The following ATP8B2 variants were observed in gnomAD, a reference collection of about 807,000 sequenced individuals.
The protein encoded by ATP8B2 is ATPase phospholipid transporting 8B2, also known as phospholipid-transporting ATPase ID.
A neutral mutation model predicts 133.4 loss-of-function variants in ATP8B2; 70 were observed. The observed-to-expected ratio is 0.52, with a 90% CI of 0.43 to 0.64. The LOEUF is 0.64. Ranked by LOEUF, ATP8B2 falls within the 30% of genes least tolerant of loss-of-function variation. The pLI is 0.00. For missense variants in ATP8B2, 1,101 were observed against 1,535.7 expected, an observed-to-expected ratio of 0.72 and a Z score of 4.73; for synonymous variants, 517 against 589.5, an observed-to-expected ratio of 0.88 and a Z score of 1.78.
intron 2 of ATP8B2, among the ~76,000 whole-genome samples, chr1:154,329,502 G>A (rs1000561408): frequency 6.6e-6 from 1 of 152,126 alleles, no homozygotes; most frequent in African/African-American, 2.4e-5. Context: ...GAGACGGGCT[G>A]GGGAATCTAT....
chr1:154,348,500 T>C lies in ATP8B2; in HGVS notation c.3256T>C (p.Phe1086Leu), dbSNP rs1686670746. 1.2e-6 allele frequency: 2 copies of C among 1,613,976 alleles called. No homozygotes were observed. Among genetic ancestry groups the C allele is most frequent in the Admixed American group, 1.7e-5 (1 of 60,004 alleles). The change falls in exon 27 of 28, where the codon TTC (phenylalanine) becomes CTC (leucine). Residue 1086 changes from phenylalanine to leucine, a missense_variant. Physicochemically the swap from Phe to Leu is conservative, Grantham distance 22. Transcript: ENST00000368489. The stretch of plus-strand genomic sequence containing the variant: ...CATCATGCCCGTGGTTGCCTTCCGA[T>C]TCCTCAGGCTCAACCTGAAGCCGGA... ...VCIMPVVAFRFLRLNLKPDLS... is the reference protein window; with the variant it reads ...VCIMPVVAFRLLRLNLKPDLS...
chr1:154,331,777 G>A lies in ATP8B2; in HGVS notation c.438+99G>A, dbSNP rs564635247. On this transcript the variant is annotated intron_variant, in intron 7 of 27. Coordinates refer to ENST00000368489, the MANE Select transcript of ATP8B2 (RefSeq NM_001370597.1). This position sits in a 1 kb window ranked among gnomAD's most constrained non-coding sequence, Gnocchi z 4.8. ...ATTTACTGTTGCCTCTTAAACACCC[G>A]TGGCAGGAATCTTTCTCACACCAGG... The A allele has an allele frequency of 8.5e-6, 12 of 1,407,226 alleles. No individual in the cohort carries two copies. The East Asian group carries it at 1.1e-4, about 13-fold the overall frequency. 87.2% of individuals were successfully genotyped at this position (1,407,226 alleles called of 1,614,324 possible). A position where few individuals can be genotyped will look rare whatever the true frequency, so the allele number is the denominator to read the frequency against.
intron 9 of ATP8B2, among the ~76,000 whole-genome samples, chr1:154,333,511 A>AG (rs1035462080): frequency 6.8e-6 from 1 of 147,282 alleles, no homozygotes; most frequent in African/African-American, 2.5e-5. Flanking sequence ...CTCAAAAAAA[A>AG]AAAAGAAGAA....
At chr1:154,335,227 C>G (rs1246062114) in intron 11 of ATP8B2, among the ~76,000 whole-genome samples, 2 of 152,176 alleles carry the variant, frequency 1.3e-5, no homozygotes, top group East Asian at 3.9e-4. Context: ...GGTTGTCTAT[C>G]ACATAAGGGC....
chr1:154,346,558 C>A lies in ATP8B2; in HGVS notation c.3025-62C>A, dbSNP rs1033708780. 9 of 1,610,824 alleles carry A rather than the reference C, an allele frequency of 5.6e-6. No individual in the cohort carries two copies. The Middle Eastern group carries it at 9.9e-4, about 178-fold the overall frequency. On this transcript the variant is annotated intron_variant, in intron 25 of 27. Coordinates refer to ENST00000368489, the MANE Select transcript of ATP8B2 (RefSeq NM_001370597.1). The surrounding 1 kb of genome is among the most constrained non-coding windows in gnomAD (Gnocchi z 4.5). ...TGGGGCTGCCCTGGGCACCACAGTT[C>A]TGTTTCTGGGGGAAGGGGCTTTTAG...
At chr1:154,330,758 G>C (rs779797404) in intron 3 of ATP8B2, 57 bp from the exon 4 acceptor site, 10 of 1,448,786 alleles carry the variant, frequency 6.9e-6, no homozygotes, top group Non-Finnish European at 8.7e-6. Flanking sequence ...GGCAGCCTCA[G>C]TCTGGTTCTG....
At position 154,332,645 on chromosome 1, in the gene ATP8B2, G is replaced by T. The variant is rs141051422; in HGVS notation, c.537G>T (p.Ala179=). The T allele has an allele frequency of 6.3e-7, 1 of 1,590,114 alleles. No homozygotes were observed. Among genetic ancestry groups the T allele is most frequent in the Admixed American group, 1.8e-5 (1 of 56,752 alleles). Residue 179 remains alanine (A), a synonymous_variant, in exon 9 of 28, where the codon GCG becomes GCT. Coordinates refer to ENST00000368489, the MANE Select transcript of ATP8B2 (RefSeq NM_001370597.1). ...DGETNMKVRQ[A]IPVTSELGDI... is the part of the protein sequence containing the mutation. ...AGACCAACATGAAAGTACGTCAGGC[G>T]ATTCCAGTCACCTCAGAATTGGGAG...
chr1:154,343,370 C>T lies in ATP8B2; in HGVS notation c.1642+69C>T, dbSNP rs905574307. 30 of 1,603,144 alleles carry T rather than the reference C, an allele frequency of 1.9e-5. No individual in the cohort carries two copies. The highest frequency in any genetic ancestry group is 1.0e-4 in the South Asian group (9 of 90,436). The stretch of plus-strand genomic sequence containing the variant: ...CAGGCCTGGAATGGGTGAAGTGTGC[C>T]GGGTGACTCTTGATGTGTTTATGTT... On this transcript the variant is annotated intron_variant, in intron 16 of 27. Coordinates refer to ENST00000368489, the MANE Select transcript of ATP8B2 (RefSeq NM_001370597.1). This position sits in a 1 kb window ranked among gnomAD's most constrained non-coding sequence, Gnocchi z 5.8.
chr1:154,325,922 G>T (rs1163718038), intron 1 of ATP8B2, among the ~76,000 whole-genome samples: 2 of 152,136 alleles, frequency 1.3e-5, no homozygotes, highest in African/African-American at 4.8e-5. Flanking sequence ...CAGAGCGGGG[G>T]TCTGCGTACA....
At chr1:154,336,968 T>A (rs2483711) in intron 11 of ATP8B2, among the ~76,000 whole-genome samples, 107,237 of 151,264 alleles carry the variant, frequency 0.71, 38,719 homozygotes, top group East Asian at 0.86. Flanking sequence ...CTAATTTTTT[T>A]AATGTTTTTA....
At chr1:154,338,499 A>G (rs1686268050) in intron 12 of ATP8B2, among the ~76,000 whole-genome samples, 1 of 152,156 alleles carries the variant, frequency 6.6e-6, no homozygotes, top group African/African-American at 2.4e-5. Context: ...GTCTCTACTA[A>G]AAATACAAAA....
At chr1:154,332,913 C>T (rs1686046858) in intron 9 of ATP8B2, among the ~76,000 whole-genome samples, 1 of 152,200 alleles carries the variant, frequency 6.6e-6, no homozygotes, top group Non-Finnish European at 1.5e-5. Flanking sequence ...TAGCTCCCCA[C>T]TTGCTATGCA....
At chr1:154,342,347 A>G in intron 13 of ATP8B2, 133 bp from the exon 14 acceptor site, 1 of 886,362 alleles carries the variant, frequency 1.1e-6, no homozygotes, top group East Asian at 2.4e-5. Flanking sequence ...AGTGACTCAC[A>G]CTGTGACAGC....
At chr1:154,337,089 C>T (rs184447268) in intron 11 of ATP8B2, among the ~76,000 whole-genome samples, 9 of 149,504 alleles carry the variant, frequency 6.0e-5, no homozygotes, top group Non-Finnish European at 8.9e-5. Context: ...TGAGCCACTG[C>T]GCCCAGCCCA....
chr1:154,341,504 C>G (rs1437037704), intron 13 of ATP8B2: 2 of 255,174 alleles, frequency 7.8e-6, no homozygotes, highest in Non-Finnish European at 1.5e-5. Context: ...GAGAAAAATC[C>G]ACACACAAAG....
Position 154,349,016 on chromosome 1 carries a change from C to T in ATP8B2, c.3471C>T (p.Phe1157=), listed in dbSNP as rs1433803407. The change falls in exon 28 of 28, where the codon TTC becomes TTT. Residue 1157 remains phenylalanine, a synonymous_variant. Transcript: ENST00000368489. ...TGAGCTCTCTCGCGCTCTCCAGCTT[C>T]ACCACCCGCTCCAGCTCCAGCTGGA... is the stretch of plus-strand genomic sequence containing the variant. ...MRLSSLALSS[F]TTRSSSSWIE... 1 of 1,614,260 alleles carries T rather than the reference C, an allele frequency of 6.2e-7. No individual in the cohort carries two copies. Among genetic ancestry groups the T allele is most frequent in the Admixed American group, 1.7e-5 (1 of 60,032 alleles).
At position 154,340,312 on chromosome 1, in the gene ATP8B2, A is replaced by G. The variant is rs1466805642; in HGVS notation, c.1035-542A>G. ...GCCCGGTGTTCAGAATCAGGAATGTAGTGCCCCAAGCCCAGGGTGGAAGGA... is the reference window on the plus strand; with the variant it reads ...GCCCGGTGTTCAGAATCAGGAATGTGGTGCCCCAAGCCCAGGGTGGAAGGA... On this transcript the variant is annotated intron_variant, in intron 12 of 27. Coordinates refer to ENST00000368489, the MANE Select transcript of ATP8B2 (RefSeq NM_001370597.1). This position sits in a 1 kb window ranked among gnomAD's most constrained non-coding sequence, Gnocchi z 4.0. Among the ~76,000 whole-genome samples the G allele has an allele frequency of 6.6e-6, 1 of 152,134 alleles. No individual in the cohort carries two copies. Among genetic ancestry groups the G allele is most frequent in the Non-Finnish European group, 1.5e-5 (1 of 68,012 alleles).
chr1:154,329,361 G>T (rs1330212581), intron 2 of ATP8B2, among the ~76,000 whole-genome samples: 3 of 152,192 alleles, frequency 2.0e-5, no homozygotes, highest in South Asian at 2.1e-4. Flanking sequence ...AGTGTGCTCT[G>T]CAGGGGTCCT....
chr1:154,343,995 G>A lies in ATP8B2; in HGVS notation c.1861G>A (p.Ala621Thr), dbSNP rs748931644. Residue 621 changes from alanine (A) to threonine (T), a missense_variant, in exon 18 of 28, where the codon GCC becomes ACC. Transcript: ENST00000368489. This position sits in a 1 kb window ranked among gnomAD's most constrained non-coding sequence, Gnocchi z 5.8. Reference protein sequence around the residue: ...WAERRLQASLAQDSREDRLAS... With the variant: ...WAERRLQASLTQDSREDRLAS... ...TGAGCGACGCCTCCAGGCCAGCCTG[G>A]CCCAGGACAGCCGGGAGGACAGGCT... 6.2e-7 allele frequency: 1 copy of A among 1,614,042 alleles called. No homozygotes were observed. The highest frequency in any genetic ancestry group is 1.1e-5 in the South Asian group (1 of 91,072).
Sources: allele counts gnomAD v4.1 joint callset (sites outside exome capture counted in the v4.1 genomes callset), GRCh38; gene constraint gnomAD v4.1.1; non-coding constraint Gnocchi (gnomAD v3.1); transcripts MANE v1.5; gene names NCBI Gene and HGNC (gene_info 2026-07-23, HGNC 2026-07-21).